The following SOX5 variants were observed in gnomAD, a reference collection of about 807,000 sequenced individuals.
SOX5 encodes transcription factor SOX-5.
Under a neutral mutation model 92.0 loss-of-function variants are expected in SOX5, and 9 were observed. The observed-to-expected ratio is 0.10, with a 90% confidence interval of 0.06 to 0.17. The LOEUF (loss-of-function observed/expected upper bound fraction) is 0.17. Ranked by LOEUF, SOX5 falls within the 10% of genes least tolerant of loss-of-function variation. The pLI is 1.00. For missense variants in SOX5, 642 were observed against 944.5 expected (o/e 0.68, Z 4.20); for synonymous variants, 344 against 336.3 (o/e 1.02, Z -0.25).
chr12:23,939,548 T>C (rs1316966922), intron 1 of SOX5, among the ~76,000 whole-genome samples: 1 of 151,074 alleles, frequency 6.6e-6, no homozygotes, highest in Non-Finnish European at 1.5e-5. Context: ...CATGAATCTA[T>C]ATTTTAAATA....
At chr12:23,915,163 G>C (rs1341281318) in intron 1 of SOX5, among the ~76,000 whole-genome samples, 1 of 151,992 alleles carries the variant, frequency 6.6e-6, no homozygotes, top group Non-Finnish European at 1.5e-5. Context: ...TGGATTTTTA[G>C]GGAAGTAAAT....
At chr12:24,134,624 T>C (rs1949952018) in intron 4 of SOX5, among the ~76,000 whole-genome samples, 1 of 151,796 alleles carries the variant, frequency 6.6e-6, no homozygotes. Flanking sequence ...AACAAGAAAA[T>C]GAAGAAATGG....
chr12:23,558,479 C>T (rs1945620330), intron 11 of SOX5, among the ~76,000 whole-genome samples: 1 of 151,716 alleles, frequency 6.6e-6, no homozygotes, highest in African/African-American at 2.4e-5. Context: ...GGTGCAGCAA[C>T]CATTTTGTGA....
chr12:23,776,593 C>T (rs1310719857), intron 3 of SOX5, among the ~76,000 whole-genome samples: 1 of 152,122 alleles, frequency 6.6e-6, no homozygotes, highest in Non-Finnish European at 1.5e-5. Context: ...CTTTTTAGCA[C>T]CACGGACCAG....
chr12:23,925,141 G>A (rs1326158632), intron 1 of SOX5, among the ~76,000 whole-genome samples: 2 of 152,038 alleles, frequency 1.3e-5, no homozygotes, highest in African/African-American at 4.8e-5. Flanking sequence ...TTTTCATAAT[G>A]TAGCTACAGA....
At chr12:24,018,890 T>C (rs529884628) in intron 4 of SOX5, among the ~76,000 whole-genome samples, 1 of 152,328 alleles carries the variant, frequency 6.6e-6, no homozygotes, top group South Asian at 2.1e-4. Context: ...CTTTAGAAAT[T>C]GAATTATATT....
At chr12:24,440,556 C>T (rs1940330336) in intron 1 of SOX5, among the ~76,000 whole-genome samples, 1 of 151,782 alleles carries the variant, frequency 6.6e-6, no homozygotes, top group Admixed American at 6.6e-5. Context: ...GTACCATGCT[C>T]CCTGAGTGGT....
Position 24,547,482 on chromosome 12 carries a change from C to T in SOX5, c.-251+14847G>A, listed in dbSNP as rs533184913. ...CTGGGATTACAGGCGTGAGCCACCG[C>T]GCCCGGCCTATCTAACATTTTTTTA... is the stretch of plus-strand genomic sequence containing the variant. On this transcript the variant is annotated intron_variant, in intron 1 of 4. Coordinates refer to the SOX5 transcript ENST00000446891. 1.4e-4 allele frequency among the ~76,000 whole-genome samples: 22 copies of T among 152,254 alleles called. No homozygotes were observed. In the South Asian group the frequency reaches 2.7e-3, roughly 19 times the overall value.
chr12:24,100,594 C>A lies in SOX5; in HGVS notation c.-2+112749G>T, dbSNP rs150020117. ...TCAGGTCATCCCATAAAGGCCAGTG[C>A]CATCAGATGCCACTTTTATGTGCTT... On this transcript the variant is annotated intron_variant, in intron 4 of 4. Coordinates refer to the SOX5 transcript ENST00000446891. Among the ~76,000 whole-genome samples, 341 of 152,228 alleles carry A rather than the reference C, an allele frequency of 2.2e-3. 1 individual carries two copies. Among genetic ancestry groups the A allele is most frequent in the African/African-American group, 7.9e-3 (327 of 41,542 alleles).
intron 7 of SOX5, among the ~76,000 whole-genome samples, chr12:23,662,811 T>C (rs1223772304): frequency 6.6e-6 from 1 of 152,212 alleles, no homozygotes; most frequent in Non-Finnish European, 1.5e-5. Flanking sequence ...TTATCATCAG[T>C]ATGTTCAATA....
At chr12:23,600,001 T>C (rs1042257633) in intron 9 of SOX5, among the ~76,000 whole-genome samples, 1 of 152,208 alleles carries the variant, frequency 6.6e-6, no homozygotes. Flanking sequence ...GCTGAATACA[T>C]TGCATATTGG....
intron 4 of SOX5, among the ~76,000 whole-genome samples, chr12:24,115,814 T>A (rs1435436207): frequency 6.6e-6 from 1 of 152,206 alleles, no homozygotes; most frequent in Non-Finnish European, 1.5e-5. Context: ...TAAATAATTG[T>A]GTTTTCAGAA....
intron 3 of SOX5, among the ~76,000 whole-genome samples, chr12:24,265,499 G>A (rs899864139): frequency 1.3e-5 from 2 of 152,206 alleles, no homozygotes; most frequent in Middle Eastern, 3.4e-3. Flanking sequence ...AGCTGAGGTC[G>A]TGCCACTGTA....
intron 4 of SOX5, among the ~76,000 whole-genome samples, chr12:23,973,217 A>C (rs1299983042): frequency 7.3e-6 from 1 of 136,904 alleles, no homozygotes; most frequent in African/African-American, 2.8e-5. Context: ...GCTGGAGTGC[A>C]GTGGTGTGAT....
At chr12:23,594,335 C>T (rs949142110) in intron 9 of SOX5, among the ~76,000 whole-genome samples, 6 of 152,056 alleles carry the variant, frequency 3.9e-5, no homozygotes, top group Admixed American at 6.5e-5. Context: ...CACTGTGCTA[C>T]GTGAGCACAC....
At chr12:24,497,480 G>T (rs1179136798) in intron 1 of SOX5, among the ~76,000 whole-genome samples, 14 of 152,122 alleles carry the variant, frequency 9.2e-5, no homozygotes, top group Admixed American at 3.3e-4. Flanking sequence ...TTTAGAGTTT[G>T]CCAGGCCAGG....
chr12:23,649,944 T>C (rs1194230367), intron 7 of SOX5, among the ~76,000 whole-genome samples: 1 of 152,186 alleles, frequency 6.6e-6, no homozygotes, highest in Non-Finnish European at 1.5e-5. Flanking sequence ...GCAAAAGTTT[T>C]GGACAGTTTT....
intron 7 of SOX5, among the ~76,000 whole-genome samples, chr12:23,641,476 A>G (rs1039131050): frequency 2.6e-5 from 4 of 152,180 alleles, no homozygotes; most frequent in African/African-American, 9.6e-5. Flanking sequence ...ATAAATGTTT[A>G]CAAAACTATA....
At chr12:24,359,491 A>G (rs1955267572) in intron 2 of SOX5, among the ~76,000 whole-genome samples, 1 of 152,178 alleles carries the variant, frequency 6.6e-6, no homozygotes, top group African/African-American at 2.4e-5. Context: ...AAATGTTTAC[A>G]AGGGGCACTA....
Sources: allele counts gnomAD v4.1 joint callset (sites outside exome capture counted in the v4.1 genomes callset), GRCh38; gene constraint gnomAD v4.1.1; transcripts MANE v1.5; gene names NCBI Gene and HGNC (gene_info 2026-07-23, HGNC 2026-07-21).